Variants in SLC25A48 observed in about 807,000 individuals in gnomAD.
SLC25A48 encodes CTC-321K16.1.
Under a neutral mutation model 32.2 loss-of-function variants are expected in SLC25A48, and 29 were observed. The ratio of observed to expected loss-of-function variants is 0.90; its 90% confidence interval spans 0.67 to 1.23. SLC25A48 has a LOEUF of 1.23. Ranked by LOEUF, SLC25A48 falls within the 50% of genes most tolerant of loss-of-function variation. SLC25A48 has a pLI of 0.00. For synonymous variants in SLC25A48, 164 were observed against 172.3 expected (o/e 0.95, Z 0.38); for missense variants, 399 against 422.7 (o/e 0.94, Z 0.49).
intron 3 of SLC25A48, among the ~76,000 whole-genome samples, chr5:135,716,297 C>T (rs181335072): frequency 2.4e-4 from 36 of 152,310 alleles, no homozygotes; most frequent in African/African-American, 7.5e-4. Context: ...GAGAACTGCT[C>T]CACTCCACCA....
intron 3 of SLC25A48, among the ~76,000 whole-genome samples, chr5:135,757,422 G>C (rs1755942441): frequency 7.0e-6 from 1 of 143,284 alleles, no homozygotes; most frequent in African/African-American, 2.6e-5. Context: ...CTATGATATT[G>C]ATAAAATATC....
At chr5:135,606,765 CTT>C (rs1365854180) in intron 1 of SLC25A48, among the ~76,000 whole-genome samples, 7 of 152,198 alleles carry the variant, frequency 4.6e-5, no homozygotes, top group African/African-American at 1.7e-4. Context: ...CTAGAGGTGT[CTT>C]TGTATCTGTG....
At chr5:135,874,528 C>G (rs1050223987) in intron 6 of SLC25A48, 9 of 565,696 alleles carry the variant, frequency 1.6e-5, no homozygotes, top group Middle Eastern at 3.8e-4. Context: ...CACTCCTCCT[C>G]CCAGTGGGAA....
intron 3 of SLC25A48, among the ~76,000 whole-genome samples, chr5:135,745,592 C>T (rs1267665746): frequency 6.6e-6 from 1 of 152,206 alleles, no homozygotes; most frequent in East Asian, 1.9e-4. Flanking sequence ...CCCCCTGCCT[C>T]CTGCTTTTTA....
intron 3 of SLC25A48, among the ~76,000 whole-genome samples, chr5:135,696,077 A>C (rs1754260232): frequency 6.6e-6 from 1 of 152,258 alleles, no homozygotes; most frequent in Admixed American, 6.5e-5. Flanking sequence ...ATAGCATTAA[A>C]GCCCAAGGGC....
chr5:135,806,304 T>A (rs374754472), intron 3 of SLC25A48, among the ~76,000 whole-genome samples: 1 of 151,774 alleles, frequency 6.6e-6, no homozygotes, highest in East Asian at 1.9e-4. Flanking sequence ...CAAAATATCA[T>A]CAATATTTTA....
At chr5:135,743,593 C>G (rs528102328) in intron 3 of SLC25A48, among the ~76,000 whole-genome samples, 1 of 152,178 alleles carries the variant, frequency 6.6e-6, no homozygotes, top group Non-Finnish European at 1.5e-5. Context: ...CCTTAACACA[C>G]GAGGTATAAT....
At chr5:135,675,283 T>C (rs1753742207) in intron 3 of SLC25A48, among the ~76,000 whole-genome samples, 1 of 152,040 alleles carries the variant, frequency 6.6e-6, no homozygotes, top group Non-Finnish European at 1.5e-5. Context: ...TTTTCTCCCA[T>C]TTTGACAAGT....
At chr5:135,747,701 A>G (rs1164195338) in intron 3 of SLC25A48, among the ~76,000 whole-genome samples, 1 of 152,204 alleles carries the variant, frequency 6.6e-6, no homozygotes, top group Non-Finnish European at 1.5e-5. Context: ...AGACACTAAG[A>G]ATATAGAAAC....
intron 3 of SLC25A48, among the ~76,000 whole-genome samples, chr5:135,769,986 T>C (rs551747760): frequency 5.3e-5 from 8 of 151,604 alleles, no homozygotes; most frequent in Non-Finnish European, 1.0e-4. Flanking sequence ...TAAACCACCC[T>C]GTGATATTGT....
intron 1 of SLC25A48, chr5:135,609,838 G>A (rs1266343417): frequency 1.3e-5 from 2 of 152,202 alleles, no homozygotes; most frequent in African/African-American, 4.8e-5. Context: ...GATATCTCTA[G>A]AAGGATATAC....
At chr5:135,845,572 C>T (rs1038998172) in intron 2 of SLC25A48, among the ~76,000 whole-genome samples, 1 of 152,182 alleles carries the variant, frequency 6.6e-6, no homozygotes, top group Non-Finnish European at 1.5e-5. Flanking sequence ...CCAGTCCTGG[C>T]CTTATCACCT....
rs76354897 is a variant in SLC25A48, at chr5:135,784,053, T to C, written c.-520-28470T>C. ...TAATATCCAGGTAAAGAGAGGGTGA[T>C]ATTCCTGTCAATATCGCAGGAGGTG... On this transcript the variant is annotated intron_variant, in intron 3 of 10. Transcript: ENST00000646290. Among the ~76,000 whole-genome samples the C allele has an allele frequency of 7.1e-3, 845 of 118,314 alleles. 117 individuals are homozygous for C. The highest frequency in any genetic ancestry group is 0.02 in the African/African-American group (793 of 38,904). The allele number at this position is 118,314 out of a possible 152,430, so 77.6% of individuals were successfully genotyped here.
chr5:135,773,176 AG>A (rs908855848), intron 3 of SLC25A48, among the ~76,000 whole-genome samples: 6 of 151,502 alleles, frequency 4.0e-5, no homozygotes, highest in Admixed American at 2.0e-4. Context: ...TGAATATCGC[AG>A]GGGGTATACA....
At chr5:135,767,192 C>CT (rs1554073149) in intron 3 of SLC25A48, among the ~76,000 whole-genome samples, 2 of 136,612 alleles carry the variant, frequency 1.5e-5, no homozygotes, top group Admixed American at 7.3e-5. Flanking sequence ...GGTACACCCC[C>CT]CCCCCGTGAT....
intron 4 of SLC25A48, among the ~76,000 whole-genome samples, chr5:135,859,283 A>C (rs937156202): frequency 1.3e-5 from 2 of 152,182 alleles, no homozygotes; most frequent in Non-Finnish European, 2.9e-5. Context: ...GTCACGTCTT[A>C]CATGGCAGCA....
intron 3 of SLC25A48, among the ~76,000 whole-genome samples, chr5:135,792,576 A>G (rs1757060008): frequency 6.6e-6 from 1 of 151,616 alleles, no homozygotes; most frequent in Non-Finnish European, 1.5e-5. Context: ...TTTTGGAGAT[A>G]TTACTCTCCT....
chr5:135,834,412 C>G (rs560511677), upstream of SLC25A48, among the ~76,000 whole-genome samples: 21 of 152,350 alleles, frequency 1.4e-4, no homozygotes, highest in African/African-American at 4.3e-4. Context: ...GCATTGTCAG[C>G]ACAGCACAGT....
chr5:135,693,869 G>A (rs191705679), intron 3 of SLC25A48, among the ~76,000 whole-genome samples: 205 of 152,354 alleles, frequency 1.3e-3, no homozygotes, highest in Non-Finnish European at 2.5e-3. Flanking sequence ...CGTGTGGGGC[G>A]ATGGGCCTCC....
Sources: allele counts gnomAD v4.1 joint callset (sites outside exome capture counted in the v4.1 genomes callset), GRCh38; gene constraint gnomAD v4.1.1; transcripts MANE v1.5; gene names NCBI Gene and HGNC (gene_info 2026-07-23, HGNC 2026-07-21).